The following NCMAP variants were observed in gnomAD, a reference collection of about 807,000 sequenced individuals.
The protein encoded by NCMAP is noncompact myelin-associated protein.
NCMAP carries 8 observed loss-of-function variants against 7.8 expected under a neutral mutation model. That is an observed-to-expected ratio of 1.02 (90% confidence interval 0.60 to 1.84). The LOEUF (loss-of-function observed/expected upper bound fraction) is 1.84. NCMAP is among the 40% of genes most tolerant of loss of function. The pLI, the probability that NCMAP is intolerant of heterozygous loss-of-function variation, is 0.00. For missense variants in NCMAP, 112 were observed against 131.4 expected, an observed-to-expected ratio of 0.85 and a Z score of 0.72; for synonymous variants, 41 against 52.9, an observed-to-expected ratio of 0.78 and a Z score of 0.98.
At chr1:24,575,065 C>T (rs1424614056) in intron 1 of NCMAP, among the ~76,000 whole-genome samples, 1 of 152,062 alleles carries the variant, frequency 6.6e-6, no homozygotes, top group East Asian at 1.9e-4. Flanking sequence ...GCTGGGATTA[C>T]AAGCATAAGC....
rs1652735377 is a variant in NCMAP at position 24,606,441 on chromosome 1, G to C, written c.*694G>C. 6.6e-6 allele frequency: 1 copy of C among 152,404 alleles called. No individual in the cohort carries two copies. The highest frequency in any genetic ancestry group is 6.5e-5 in the Admixed American group (1 of 15,274). 9.4% of individuals were successfully genotyped at this position (152,404 alleles called of 1,614,324 possible). On this transcript the variant is annotated 3_prime_UTR_variant, in exon 4 of 4. Transcript: ENST00000374392. ...GGTAGGAGCTTGTTGTGTTGTCCGT[G>C]GGCCTGGAATGATCCTGGTGGCTGA...
chr1:24,582,108 G>T (rs76885431), intron 1 of NCMAP, among the ~76,000 whole-genome samples: 2 of 152,122 alleles, frequency 1.3e-5, no homozygotes, highest in Admixed American at 1.3e-4. Context: ...TTCTCTGTCC[G>T]TCTCTCACAG....
intron 1 of NCMAP, among the ~76,000 whole-genome samples, chr1:24,562,564 A>C (rs2148924812): frequency 6.6e-6 from 1 of 152,234 alleles, no homozygotes; most frequent in South Asian, 2.1e-4. Context: ...TGCTTGACAG[A>C]CCCCGGAGCC....
intron 1 of NCMAP, among the ~76,000 whole-genome samples, chr1:24,590,654 G>A (rs1652018889): frequency 6.6e-6 from 1 of 152,138 alleles, no homozygotes; most frequent in Non-Finnish European, 1.5e-5. Context: ...AAGCTGGAAT[G>A]CAATGGTGCC....
intron 1 of NCMAP, among the ~76,000 whole-genome samples, chr1:24,560,474 A>AAAAAACAAAT (rs1313361037): frequency 6.6e-6 from 1 of 152,196 alleles, no homozygotes; most frequent in Non-Finnish European, 1.5e-5. Context: ...GTCGTGTAAT[A>AAAAAACAAAT]AAAAACAAAT....
rs58085206 is a variant in NCMAP, at chr1:24,560,747, G to GA, written c.-8+4590dup. ...TGACAGAGCAAGACCCTATCTCATA[G>GA]AAAAAAAAAAAAGCAGTTGTGCAAC... On this transcript the variant is annotated intron_variant, in intron 1 of 3. Coordinates refer to ENST00000374392, the MANE Select transcript of NCMAP (RefSeq NM_001010980.5). Among the ~76,000 whole-genome samples the GA allele has an allele frequency of 1.6e-3, 221 of 141,228 alleles. 1 individual carries two copies. Among genetic ancestry groups the GA allele is most frequent in the East Asian group, 2.9e-3 (14 of 4,812 alleles). 92.7% of individuals were successfully genotyped at this position (141,228 alleles called of 152,430 possible).
Position 24,606,052 on chromosome 1 carries a change from G to A in NCMAP, c.*305G>A, listed in dbSNP as rs1652715208. The A allele has an allele frequency of 6.4e-6, 2 of 311,268 alleles. No individual in the cohort carries two copies. The highest frequency in any genetic ancestry group is 1.2e-5 in the Non-Finnish European group (2 of 167,322). The allele number at this position is 311,268 out of a possible 1,614,324, so 19.3% of individuals were successfully genotyped here. A position where few individuals can be genotyped will look rare whatever the true frequency, so the allele number is the denominator to read the frequency against. ...TTGGCTTTCCCCCACACTGTAGTTA[G>A]ACAGATAGACAGATAGCCCAGGAGC... On this transcript the variant is annotated 3_prime_UTR_variant, in exon 4 of 4. Transcript: ENST00000374392.
intron 1 of NCMAP, among the ~76,000 whole-genome samples, chr1:24,583,108 G>C (rs1433771396): frequency 6.6e-6 from 1 of 152,150 alleles, no homozygotes; most frequent in East Asian, 1.9e-4. Context: ...ATAGGAAACT[G>C]TTAAGAGGCA....
intron 1 of NCMAP, among the ~76,000 whole-genome samples, chr1:24,591,512 C>A (rs1461395053): frequency 1.3e-5 from 2 of 152,232 alleles, no homozygotes; most frequent in African/African-American, 4.8e-5. Flanking sequence ...AAGTAATCTG[C>A]CCACCTCAGC....
In NCMAP at chr1:24,595,493, A is replaced by T. The variant is rs1285425315; in HGVS notation, c.63A>T (p.Gly21=). The stretch of plus-strand genomic sequence containing the variant: ...TCTCACTGAACATGACCACCAGGGG[A>T]GAAGACTTCCTGTATAAGAGTAAGG... ...TFFSLNMTTR[G]EDFLYKSSGA... The change falls in exon 2 of 4, where the codon GGA becomes GGT. Residue 21 remains glycine, a synonymous_variant. Coordinates refer to ENST00000374392, the MANE Select transcript of NCMAP (RefSeq NM_001010980.5). 1 of 1,613,900 alleles carries T rather than the reference A, an allele frequency of 6.2e-7. No individual in the cohort carries two copies. Among genetic ancestry groups the T allele is most frequent in the South Asian group, 1.1e-5 (1 of 91,070 alleles).
At chr1:24,597,676 GAA>G (rs1557602717) in intron 2 of NCMAP, among the ~76,000 whole-genome samples, 5 of 108,910 alleles carry the variant, frequency 4.6e-5, no homozygotes, top group Non-Finnish European at 8.2e-5. Context: ...AGAAAGAAAA[GAA>G]AAAGAAAGAA....
At chr1:24,593,442 A>G (rs1382140013) in intron 1 of NCMAP, among the ~76,000 whole-genome samples, 1 of 152,038 alleles carries the variant, frequency 6.6e-6, no homozygotes, top group Admixed American at 6.6e-5. Context: ...GCAGTGAGCT[A>G]TGATTACATC....
chr1:24,558,195 C>T (rs538223030), intron 1 of NCMAP, among the ~76,000 whole-genome samples: 3 of 152,210 alleles, frequency 2.0e-5, no homozygotes, highest in South Asian at 2.1e-4. Flanking sequence ...GGGCCAAGTT[C>T]GAAGCTTCTC....
intron 1 of NCMAP, among the ~76,000 whole-genome samples, chr1:24,582,810 G>A (rs6671899): frequency 4.1e-5 from 6 of 145,432 alleles, no homozygotes; most frequent in African/African-American, 1.3e-4. Flanking sequence ...AATAGGAAAC[G>A]TATAGATCCT....
At chr1:24,567,122 C>A (rs1382328395) in intron 1 of NCMAP, among the ~76,000 whole-genome samples, 1 of 152,200 alleles carries the variant, frequency 6.6e-6, no homozygotes, top group African/African-American at 2.4e-5. Flanking sequence ...AACCCATCCT[C>A]AGGCACCTGC....
chr1:24,593,731 T>G (rs1393895003), intron 1 of NCMAP, among the ~76,000 whole-genome samples: 1 of 152,094 alleles, frequency 6.6e-6, no homozygotes, highest in Non-Finnish European at 1.5e-5. Flanking sequence ...GCCTAGGCAA[T>G]TCTCTCAATG....
chr1:24,596,578 G>C (rs2148936175), intron 2 of NCMAP, among the ~76,000 whole-genome samples: 1 of 151,918 alleles, frequency 6.6e-6, no homozygotes, highest in South Asian at 2.1e-4. Context: ...CAGCTACACG[G>C]GGGGTGCTGA....
intron 1 of NCMAP, among the ~76,000 whole-genome samples, chr1:24,559,936 T>C (rs12738800): frequency 0.23 from 35,023 of 151,772 alleles, 4,264 homozygotes; most frequent in African/African-American, 0.28. Context: ...CCGAGGCAGG[T>C]GGATCACGAA....
intron 3 of NCMAP, among the ~76,000 whole-genome samples, chr1:24,602,569 C>CAAAAAAA (rs10630961): frequency 1.5e-4 from 6 of 40,054 alleles, no homozygotes; most frequent in East Asian, 7.8e-4. Flanking sequence ...GACTCCATCT[C>CAAAAAAA]AAAAAAAAAA....
Sources: allele counts gnomAD v4.1 joint callset (sites outside exome capture counted in the v4.1 genomes callset), GRCh38; gene constraint gnomAD v4.1.1; transcripts MANE v1.5; gene names NCBI Gene and HGNC (gene_info 2026-07-23, HGNC 2026-07-21).